Variants in STAT4 observed in about 807,000 individuals in gnomAD.
STAT4 encodes the protein signal transducer and activator of transcription 4.
In STAT4, 42 loss-of-function variants were observed where a neutral mutation model predicts 110.5. The ratio of observed to expected loss-of-function variants is 0.38; its 90% CI spans 0.30 to 0.49. The LOEUF is 0.49. Among genes scored for constraint, STAT4 ranks in the 20% least tolerant of loss-of-function variants. The probability of loss-of-function intolerance (pLI) is 0.95; values close to 1 mark genes in which losing one functional copy is unlikely to be tolerated. For synonymous variants in STAT4, 284 were observed against 302.2 expected (o/e 0.94, Z 0.63); for missense variants, 632 against 887.9 (o/e 0.71, Z 3.66).
chr2:191,133,380 A>C (rs1415510979), intron 3 of STAT4, among the ~76,000 whole-genome samples: 1 of 150,888 alleles, frequency 6.6e-6, no homozygotes, highest in Non-Finnish European at 1.5e-5. Context: ...AGGCAAGTAA[A>C]TATAGAGGAG....
At chr2:191,129,749 A>G (rs1050044306) in intron 3 of STAT4, among the ~76,000 whole-genome samples, 9 of 152,174 alleles carry the variant, frequency 5.9e-5, no homozygotes, top group African/African-American at 1.9e-4. Context: ...CCACCACACA[A>G]TAAGTCTCAG....
chr2:191,069,475 T>A (rs1697083658), intron 6 of STAT4, among the ~76,000 whole-genome samples: 1 of 152,024 alleles, frequency 6.6e-6, no homozygotes, highest in Non-Finnish European at 1.5e-5. Context: ...TTACTTGGAA[T>A]TGGTTGGATA....
In STAT4 at chr2:191,113,058, G is replaced by A. The variant is rs562167969; in HGVS notation, c.273+33555C>T. Among the ~76,000 whole-genome samples the A allele has an allele frequency of 5.1e-4, 77 of 152,336 alleles. No individual in the cohort carries two copies. The highest frequency in any genetic ancestry group is 1.9e-3 in the African/African-American group (77 of 41,576). On this transcript the variant is annotated intron_variant, in intron 3 of 23. Coordinates refer to ENST00000392320, the MANE Select transcript of STAT4 (RefSeq NM_003151.4). The surrounding 1 kb of genome is among the most constrained non-coding windows in gnomAD (Gnocchi z 4.8). ...GCAAGTGGGCCCATCAGTTGTGCTG[G>A]TCTAAGCTCCCCATGTCTCATTGCT...
Position 191,147,794 on chromosome 2 carries a change from C to CA in STAT4, c.128+281dup, listed in dbSNP as rs1425089851. ...CATTGAGTCTGTGATAGAGAACTGA[C>CA]AATCAATTGATTTGCTTCTTTTTTT... On this transcript the variant is annotated intron_variant, in intron 2 of 23. Coordinates refer to ENST00000392320, the MANE Select transcript of STAT4 (RefSeq NM_003151.4). The surrounding 1 kb of genome is among the most constrained non-coding windows in gnomAD (Gnocchi z 4.1). 2.0e-5 allele frequency among the ~76,000 whole-genome samples: 3 copies of CA among 151,964 alleles called. No homozygotes were observed. The highest frequency in any genetic ancestry group is 7.3e-5 in the African/African-American group (3 of 41,348).
At chr2:191,121,075 GA>G (rs1559076120) in intron 3 of STAT4, among the ~76,000 whole-genome samples, 1 of 151,906 alleles carries the variant, frequency 6.6e-6, no homozygotes, top group Non-Finnish European at 1.5e-5. Context: ...AAACTTACAA[GA>G]AAAAAACAAA....
In STAT4 at chr2:191,112,136, G is replaced by A. The variant is rs149096846; in HGVS notation, c.273+34477C>T. On this transcript the variant is annotated intron_variant, in intron 3 of 23. Coordinates refer to ENST00000392320, the MANE Select transcript of STAT4 (RefSeq NM_003151.4). The surrounding 1 kb of genome is among the most constrained non-coding windows in gnomAD (Gnocchi z 4.3). ...CACTTTAAATATATATATATTGTATGTCATTATACCTCTGTAAGGTTGTTA... is the reference window on the plus strand; with the variant it reads ...CACTTTAAATATATATATATTGTATATCATTATACCTCTGTAAGGTTGTTA... Among the ~76,000 whole-genome samples the A allele has an allele frequency of 8.5e-4, 130 of 152,194 alleles. 1 individual carries two copies. The highest frequency in any genetic ancestry group is 3.4e-3 in the Middle Eastern group (1 of 294).
Position 191,069,790 on chromosome 2 carries a change from A to G in STAT4, c.466-19T>C. The G allele has an allele frequency of 1.0e-5, 16 of 1,574,988 alleles. No homozygotes were observed. Among genetic ancestry groups the G allele is most frequent in the Non-Finnish European group, 1.4e-5 (16 of 1,153,142 alleles). On this transcript the variant is annotated intron_variant, in intron 5 of 23. Coordinates refer to ENST00000392320, the MANE Select transcript of STAT4 (RefSeq NM_003151.4). ...CTGTCATCTTTTCACAAAAGAAAAC[A>G]TACTCACTCTGCTGTCACAATTAAG...
At chr2:191,079,302 T>C (rs1242049125) in intron 3 of STAT4, among the ~76,000 whole-genome samples, 1 of 146,514 alleles carries the variant, frequency 6.8e-6, no homozygotes, top group Admixed American at 6.7e-5. Context: ...AGGTAAAATT[T>C]AGGGAGACTT....
chr2:191,096,370 A>G (rs1321905684), intron 3 of STAT4, among the ~76,000 whole-genome samples: 1 of 152,230 alleles, frequency 6.6e-6, no homozygotes, highest in Non-Finnish European at 1.5e-5. Context: ...AAAATCCTCA[A>G]TAAACTACTG....
intron 3 of STAT4, among the ~76,000 whole-genome samples, chr2:191,115,552 C>T (rs972335493): frequency 2.0e-5 from 3 of 152,194 alleles, no homozygotes; most frequent in Admixed American, 6.5e-5. Flanking sequence ...GTTTTGAAAA[C>T]ATCTGCTTTG....
chr2:191,124,453 C>CAAAAAAAAA (rs34438452), intron 3 of STAT4, among the ~76,000 whole-genome samples: 1 of 71,228 alleles, frequency 1.4e-5, no homozygotes, highest in African/African-American at 6.1e-5. Context: ...GACGCCGTCT[C>CAAAAAAAAA]AAAAAAAAAA....
chr2:191,102,887 C>T (rs1402973437), intron 3 of STAT4, among the ~76,000 whole-genome samples: 1 of 152,106 alleles, frequency 6.6e-6, no homozygotes, highest in African/African-American at 2.4e-5. Flanking sequence ...TTTCCATATA[C>T]TATTTTCTTT....
At chr2:191,067,416 C>A (rs959553368) in intron 6 of STAT4, among the ~76,000 whole-genome samples, 1 of 152,044 alleles carries the variant, frequency 6.6e-6, no homozygotes, top group African/African-American at 2.4e-5. Context: ...ATTTCATTAA[C>A]CAGAGAAACT....
intron 3 of STAT4, among the ~76,000 whole-genome samples, chr2:191,096,930 T>A (rs1230351389): frequency 1.3e-5 from 2 of 152,186 alleles, no homozygotes; most frequent in Non-Finnish European, 2.9e-5. Flanking sequence ...AGTCTCAGGA[T>A]ACAAAATCAA....
intron 3 of STAT4, among the ~76,000 whole-genome samples, chr2:191,130,956 A>G (rs76424952): frequency 1.3e-5 from 2 of 151,120 alleles, no homozygotes; most frequent in South Asian, 2.1e-4. Flanking sequence ...TTATTAAAAA[A>G]GGATGAAAAT....
intron 5 of STAT4, among the ~76,000 whole-genome samples, chr2:191,071,872 G>C (rs3771329): frequency 1.3e-5 from 2 of 152,322 alleles, no homozygotes; most frequent in East Asian, 3.9e-4. Context: ...AGGGGATGGA[G>C]CTAAGTGAGC....
Position 191,107,502 on chromosome 2 carries a change from G to A in STAT4, c.274-31177C>T, listed in dbSNP as rs971172842. ...TTTACACAGAAGATAAAGAGAGCAA[G>A]GTTCAGGGGAGGCTGGGTTTATGTA... On this transcript the variant is annotated intron_variant, in intron 3 of 23. Transcript: ENST00000392320. This position sits in a 1 kb window ranked among gnomAD's most constrained non-coding sequence, Gnocchi z 4.2. 1.3e-5 allele frequency among the ~76,000 whole-genome samples: 2 copies of A among 152,190 alleles called. No individual in the cohort carries two copies. Among genetic ancestry groups the A allele is most frequent in the South Asian group, 4.1e-4 (2 of 4,830 alleles).
intron 3 of STAT4, among the ~76,000 whole-genome samples, chr2:191,127,985 T>C (rs937224861): frequency 3.9e-5 from 6 of 152,330 alleles, no homozygotes; most frequent in South Asian, 4.1e-4. Flanking sequence ...GATTTCAACT[T>C]AGTGCGATAT....
rs777426608 is a variant in STAT4 at position 191,150,051 on chromosome 2, T to A, written c.-2+896A>T. 6.6e-6 allele frequency among the ~76,000 whole-genome samples: 1 copy of A among 152,180 alleles called. No homozygotes were observed. The highest frequency in any genetic ancestry group is 1.5e-5 in the Non-Finnish European group (1 of 68,034). ...TTTGAGGTGATGGATATGCTGAATA[T>A]CCTTTGATCATAACACATTGTTCAT... is the stretch of plus-strand genomic sequence containing the variant. On this transcript the variant is annotated intron_variant, in intron 1 of 23. Transcript: ENST00000392320. This position sits in a 1 kb window ranked among gnomAD's most constrained non-coding sequence, Gnocchi z 6.4.
Sources: allele counts gnomAD v4.1 joint callset (sites outside exome capture counted in the v4.1 genomes callset), GRCh38; gene constraint gnomAD v4.1.1; non-coding constraint Gnocchi (gnomAD v3.1); transcripts MANE v1.5; gene names NCBI Gene and HGNC (gene_info 2026-07-23, HGNC 2026-07-21).